Variants in ERC2 observed in about 807,000 individuals in gnomAD.
ERC2 encodes the protein ELKS/RAB6-interacting/CAST family member 2.
A neutral mutation model predicts 114.8 loss-of-function variants in ERC2; 42 were observed. The observed-to-expected ratio is 0.37, with a 90% CI of 0.29 to 0.47. The LOEUF (loss-of-function observed/expected upper bound fraction) is 0.47, where lower values mean the gene tolerates loss of function less well. Among genes scored for constraint, ERC2 ranks in the 20% least tolerant of loss-of-function variants. ERC2 has a pLI of 0.99. For missense variants in ERC2, 939 were observed against 1,150.7 expected, an observed-to-expected ratio of 0.82 and a Z score of 2.66; for synonymous variants, 454 against 425.5, an observed-to-expected ratio of 1.07 and a Z score of -0.82.
intron 1 of ERC2, among the ~76,000 whole-genome samples, chr3:56,450,372 A>G (rs1019823776): frequency 6.6e-5 from 10 of 152,242 alleles, no homozygotes; most frequent in African/African-American, 1.9e-4. Context: ...TGCATGCCCA[A>G]ATATTAGTTA....
chr3:56,231,274 C>T (rs1400361104), intron 3 of ERC2, among the ~76,000 whole-genome samples: 2 of 152,228 alleles, frequency 1.3e-5, no homozygotes, highest in Non-Finnish European at 2.9e-5. Flanking sequence ...CCCTCCCTGC[C>T]CTGACCCCAA....
Position 55,701,570 on chromosome 3 carries a change from TA to T in ERC2, c.2713-2059del, listed in dbSNP as rs201394643. Among the ~76,000 whole-genome samples, 59 of 152,028 alleles carry T rather than the reference TA, an allele frequency of 3.9e-4. No individual in the cohort carries two copies. The East Asian group carries it at 0.011, about 28-fold the overall frequency. On this transcript the variant is annotated intron_variant, in intron 15 of 17. Transcript: ENST00000288221. The stretch of plus-strand genomic sequence containing the variant: ...GTTAAAAAAAAACTGTCTATATGAA[TA>T]AAAACAATAAAAATAGAGGGAAAGA...
chr3:56,248,876 G>A (rs1460690248), intron 3 of ERC2, among the ~76,000 whole-genome samples: 1 of 152,228 alleles, frequency 6.6e-6, no homozygotes, highest in Non-Finnish European at 1.5e-5. Context: ...ACACAGAAAA[G>A]AGTTCTGTTC....
chr3:55,751,771 T>C (rs2066719784), intron 14 of ERC2, among the ~76,000 whole-genome samples: 1 of 152,160 alleles, frequency 6.6e-6, no homozygotes, highest in Non-Finnish European at 1.5e-5. Flanking sequence ...TCTCTGACAG[T>C]GTTGGTACAA....
chr3:56,017,936 G>T (rs1489329548), intron 8 of ERC2, among the ~76,000 whole-genome samples: 3 of 152,100 alleles, frequency 2.0e-5, no homozygotes, highest in Non-Finnish European at 4.4e-5. Context: ...GCTGGGCACA[G>T]GGAATGGAAA....
chr3:56,205,961 T>A lies in ERC2; in HGVS notation c.1075-32441A>T, dbSNP rs1575821559. Among the ~76,000 whole-genome samples, 5 of 152,222 alleles carry A rather than the reference T, an allele frequency of 3.3e-5. No homozygotes were observed. In the South Asian group the frequency reaches 1.0e-3, roughly 32 times the overall value. ...GCCATAAGACTCAACACTACAAAAA[T>A]CATATATGGGGTTTCTGATAGCAAC... On this transcript the variant is annotated intron_variant, in intron 3 of 17. Transcript: ENST00000288221.
At chr3:56,096,798 A>G (rs955449845) in intron 6 of ERC2, among the ~76,000 whole-genome samples, 40 of 152,210 alleles carry the variant, frequency 2.6e-4, no homozygotes, top group Admixed American at 1.3e-4. Flanking sequence ...CAAAATGCCA[A>G]GTGTAAATAA....
intron 12 of ERC2, among the ~76,000 whole-genome samples, chr3:55,966,491 T>C (rs773886351): frequency 6.6e-6 from 1 of 152,172 alleles, no homozygotes; most frequent in African/African-American, 2.4e-5. Context: ...GATCAGCATC[T>C]CTTTGGACCA....
At chr3:56,311,086 C>A (rs1032735974) in intron 2 of ERC2, among the ~76,000 whole-genome samples, 1 of 151,236 alleles carries the variant, frequency 6.6e-6, no homozygotes, top group Admixed American at 6.6e-5. Flanking sequence ...GGGTCATTCA[C>A]TCATTGATTT....
intron 14 of ERC2, among the ~76,000 whole-genome samples, chr3:55,811,278 A>C (rs1470625070): frequency 3.9e-5 from 6 of 152,200 alleles, no homozygotes; most frequent in Admixed American, 3.9e-4. Flanking sequence ...CCTTTTCTTA[A>C]TTAATCCCAA....
intron 2 of ERC2, among the ~76,000 whole-genome samples, chr3:56,423,919 G>A (rs1442353323): frequency 6.6e-6 from 1 of 152,170 alleles, no homozygotes; most frequent in Non-Finnish European, 1.5e-5. Context: ...ATGCCAACTG[G>A]GGGTGGTGGG....
At chr3:55,885,970 C>T (rs1037654211) in intron 14 of ERC2, among the ~76,000 whole-genome samples, 4 of 152,186 alleles carry the variant, frequency 2.6e-5, no homozygotes, top group African/African-American at 9.7e-5. Flanking sequence ...TACTTGTTCT[C>T]TCAAAATGTT....
intron 10 of ERC2, among the ~76,000 whole-genome samples, chr3:55,998,670 G>A (rs1353022137): frequency 6.6e-6 from 1 of 152,166 alleles, no homozygotes; most frequent in Non-Finnish European, 1.5e-5. Flanking sequence ...TCCAAACAAT[G>A]ACTGTGAAAG....
chr3:56,410,752 C>G (rs2060911410), intron 2 of ERC2, among the ~76,000 whole-genome samples: 1 of 152,126 alleles, frequency 6.6e-6, no homozygotes, highest in East Asian at 1.9e-4. Flanking sequence ...AAGTTTTAAA[C>G]ACAGGTATGT....
chr3:55,676,960 T>G (rs372671333), intron 17 of ERC2, among the ~76,000 whole-genome samples: 2 of 152,170 alleles, frequency 1.3e-5, no homozygotes, highest in South Asian at 2.1e-4. Context: ...CCAACATGCA[T>G]TGCTCTGCCA....
chr3:56,447,271 G>A (rs2062619996), intron 1 of ERC2, among the ~76,000 whole-genome samples: 1 of 152,226 alleles, frequency 6.6e-6, no homozygotes, highest in Admixed American at 6.5e-5. Context: ...CAGTCCGAGG[G>A]AGAACAGCCT....
chr3:56,365,681 A>T (rs2059123321), intron 2 of ERC2, among the ~76,000 whole-genome samples: 1 of 152,270 alleles, frequency 6.6e-6, no homozygotes, highest in African/African-American at 2.4e-5. Context: ...ACACACAGAA[A>T]TTATATAAAA....
chr3:55,639,962 A>G (rs1243169896), intron 17 of ERC2, among the ~76,000 whole-genome samples: 1 of 152,130 alleles, frequency 6.6e-6, no homozygotes, highest in East Asian at 1.9e-4. Context: ...TCTAATAAGA[A>G]GGAGGCAGAT....
intron 15 of ERC2, among the ~76,000 whole-genome samples, chr3:55,729,628 C>T (rs369190420): frequency 6.6e-6 from 1 of 151,610 alleles, no homozygotes; most frequent in Non-Finnish European, 1.5e-5. Context: ...GCTTGAGTCT[C>T]GGAGTTCAAG....
Sources: gnomAD v4.1 joint callset for allele counts (sites outside exome capture counted in the v4.1 genomes callset) on GRCh38, gnomAD v4.1.1 for gene constraint, MANE v1.5 for transcripts, NCBI Gene and HGNC (gene_info 2026-07-23, HGNC 2026-07-21) for gene names.